The following GRIN2B variants were observed in gnomAD, a reference collection of about 807,000 sequenced individuals.
GRIN2B encodes glutamate ionotropic receptor NMDA type subunit 2B, also known as glutamate receptor ionotropic, NMDA 2B.
GRIN2B carries 5 observed loss-of-function variants against 114.5 expected under a neutral mutation model. That is an observed-to-expected ratio of 0.04 (90% CI 0.02 to 0.09). The LOEUF (loss-of-function observed/expected upper bound fraction) is 0.09, where lower values mean the gene tolerates loss of function less well. Ranked by LOEUF, GRIN2B falls within the 10% of genes least tolerant of loss-of-function variation. The pLI, the probability that GRIN2B is intolerant of heterozygous loss-of-function variation, is 1.00. For synonymous variants in GRIN2B, 787 were observed against 745.1 expected, an observed-to-expected ratio of 1.06 and a Z score of -0.92; for missense variants, 1,108 against 1,943.5, an observed-to-expected ratio of 0.57 and a Z score of 8.08.
chr12:13,570,476 T>A (rs74065132), intron 11 of GRIN2B, among the ~76,000 whole-genome samples: 3,855 of 152,270 alleles, frequency 0.025, 163 homozygotes, highest in African/African-American at 0.087. Context: ...GCTATTTTTG[T>A]GGTCAGGAAG....
chr12:13,623,287 A>G (rs1246314041), intron 5 of GRIN2B, among the ~76,000 whole-genome samples: 4 of 152,228 alleles, frequency 2.6e-5, no homozygotes, highest in African/African-American at 7.2e-5. Flanking sequence ...GACATAATAC[A>G]TATCTTGGTA....
chr12:13,613,202 A>G (rs1053032781), intron 8 of GRIN2B, among the ~76,000 whole-genome samples: 1 of 152,182 alleles, frequency 6.6e-6, no homozygotes, highest in African/African-American at 2.4e-5. Flanking sequence ...ATTGATTGCA[A>G]TTCTACCCTG....
chr12:13,949,876 G>T (rs1201009285), intron 2 of GRIN2B, among the ~76,000 whole-genome samples: 1 of 152,148 alleles, frequency 6.6e-6, no homozygotes, highest in Non-Finnish European at 1.5e-5. Context: ...TCAAATTTAT[G>T]TTTATTATGA....
intron 10 of GRIN2B, among the ~76,000 whole-genome samples, chr12:13,606,074 TG>T (rs1219116799): frequency 4.6e-5 from 7 of 152,204 alleles, no homozygotes; most frequent in African/African-American, 9.7e-5. Context: ...CACAGCCTCA[TG>T]TGAAGACATG....
chr12:13,609,646 G>A (rs369917667), intron 9 of GRIN2B, among the ~76,000 whole-genome samples: 1 of 152,066 alleles, frequency 6.6e-6, no homozygotes, highest in African/African-American at 2.4e-5. Flanking sequence ...GGTGGCGGGC[G>A]CCTGTAGTCC....
intron 4 of GRIN2B, among the ~76,000 whole-genome samples, chr12:13,681,700 T>C (rs1010547215): frequency 1.1e-4 from 17 of 152,158 alleles, no homozygotes; most frequent in African/African-American, 3.9e-4. Flanking sequence ...TTAAACATAG[T>C]TTTTAGTGTG....
chr12:13,634,415 C>A (rs549172507), intron 5 of GRIN2B, among the ~76,000 whole-genome samples: 25 of 152,264 alleles, frequency 1.6e-4, no homozygotes, highest in Non-Finnish European at 3.1e-4. Context: ...GTTGGCAGGG[C>A]AGCCTTTTCT....
At chr12:13,947,201 C>T (rs1867376918) in intron 2 of GRIN2B, among the ~76,000 whole-genome samples, 1 of 152,204 alleles carries the variant, frequency 6.6e-6, no homozygotes, top group African/African-American at 2.4e-5. Flanking sequence ...TTCTCAAACA[C>T]TTTAGACCTG....
chr12:13,559,860 A>C lies in GRIN2B; in HGVS notation c.*2923T>G, dbSNP rs1159425153. ...GAGACGATTGTTTCAGCATCAGAGG[A>C]GGCCGCTGGGAGATTTCTCAGGATT... On this transcript the variant is annotated 3_prime_UTR_variant, in exon 14 of 14. Coordinates refer to ENST00000609686, the MANE Select transcript of GRIN2B (RefSeq NM_000834.5). 6 of 152,220 alleles carry C rather than the reference A, an allele frequency of 3.9e-5. No individual in the cohort carries two copies. The highest frequency in any genetic ancestry group is 3.9e-4 in the Admixed American group (6 of 15,288). The allele number at this position is 152,220 out of a possible 1,614,324, so 9.4% of individuals were successfully genotyped here. A position where few individuals can be genotyped will look rare whatever the true frequency, so the allele number is the denominator to read the frequency against.
chr12:13,548,781 A>T lies in GRIN2B; in HGVS notation c.*14002T>A, dbSNP rs1948376908. ...TAGGCTTGATTTTTTTTAGATTAAA[A>T]AATTAGTCTAGTGCCCACCTCCTCC... is the stretch of plus-strand genomic sequence containing the variant. On this transcript the variant is annotated 3_prime_UTR_variant, in exon 14 of 14. Coordinates refer to ENST00000609686, the MANE Select transcript of GRIN2B (RefSeq NM_000834.5). The T allele has an allele frequency of 6.6e-6, 1 of 152,010 alleles. No individual in the cohort carries two copies. The highest frequency in any genetic ancestry group is 1.5e-5 in the Non-Finnish European group (1 of 67,996). 9.4% of individuals were successfully genotyped at this position (152,010 alleles called of 1,614,324 possible).
chr12:13,687,235 T>C (rs1950180447), intron 4 of GRIN2B, among the ~76,000 whole-genome samples: 1 of 152,232 alleles, frequency 6.6e-6, no homozygotes, highest in Non-Finnish European at 1.5e-5. Context: ...TCAGTAGCCT[T>C]TGCTGTATCA....
rs562803765 is a variant in GRIN2B, at chr12:13,578,349, G to GCTTCCAC, written c.2011-6392_2011-6386dup. Among the ~76,000 whole-genome samples, 120 of 152,320 alleles carry GCTTCCAC rather than the reference G, an allele frequency of 7.9e-4. 1 individual carries two copies. The highest frequency in any genetic ancestry group is 2.9e-3 in the African/African-American group (119 of 41,572). On this transcript the variant is annotated intron_variant, in intron 10 of 13. Transcript: ENST00000609686. ...AGACAAGGGCATAAGAAGATTTGCAGCTTCCACCTTGGCCTTTGGAAACCT... is the reference window on the plus strand; with the variant it reads ...AGACAAGGGCATAAGAAGATTTGCAGCTTCCACCTTCCACCTTGGCCTTTGGAAACCT...
intron 4 of GRIN2B, among the ~76,000 whole-genome samples, chr12:13,740,146 G>A (rs564696230): frequency 4.6e-5 from 7 of 152,252 alleles, no homozygotes; most frequent in Non-Finnish European, 1.0e-4. Context: ...TTGGATCAGA[G>A]GTACCAGGAA....
intron 10 of GRIN2B, among the ~76,000 whole-genome samples, chr12:13,590,347 C>T (rs1478505812): frequency 6.6e-6 from 1 of 152,002 alleles, no homozygotes; most frequent in Non-Finnish European, 1.5e-5. Context: ...GGTTTTAAGC[C>T]CCGCATGCAT....
chr12:13,831,998 G>C (rs999306989), intron 3 of GRIN2B, among the ~76,000 whole-genome samples: 1 of 152,096 alleles, frequency 6.6e-6, no homozygotes, highest in Non-Finnish European at 1.5e-5. Flanking sequence ...TTCTTCCCCT[G>C]GTGGTGAAGG....
At chr12:13,593,635 G>A (rs1949036903) in intron 10 of GRIN2B, among the ~76,000 whole-genome samples, 1 of 152,064 alleles carries the variant, frequency 6.6e-6, no homozygotes, top group East Asian at 1.9e-4. Context: ...CATAGGCATG[G>A]GCAAAGACTT....
At position 13,547,271 on chromosome 12, in the gene GRIN2B, C is replaced by T. The variant is rs561161186; in HGVS notation, c.*15512G>A. 6.6e-6 allele frequency: 1 copy of T among 152,246 alleles called. No homozygotes were observed. The highest frequency in any genetic ancestry group is 2.4e-5 in the African/African-American group (1 of 41,548). The allele number at this position is 152,246 out of a possible 1,614,324, so 9.4% of individuals were successfully genotyped here. A position where few individuals can be genotyped will look rare whatever the true frequency, so the allele number is the denominator to read the frequency against. ...AGGTTGTTCTCAACGATAAAACCCA[C>T]TTTGCAGTGGCTAAAAATATAAGTA... On this transcript the variant is annotated 3_prime_UTR_variant, in exon 14 of 14. Transcript: ENST00000609686.
At chr12:13,878,028 C>T (rs1302714715) in intron 2 of GRIN2B, among the ~76,000 whole-genome samples, 15 of 139,266 alleles carry the variant, frequency 1.1e-4, no homozygotes, top group African/African-American at 4.1e-4. Flanking sequence ...CGCACCACTG[C>T]ACTCCAGCCT....
chr12:13,745,218 G>A (rs1319196067), intron 4 of GRIN2B, among the ~76,000 whole-genome samples: 2 of 151,990 alleles, frequency 1.3e-5, no homozygotes, highest in African/African-American at 4.8e-5. Context: ...GTCCATGTCT[G>A]TAACCAGAAA....
Sources: allele counts gnomAD v4.1 joint callset (sites outside exome capture counted in the v4.1 genomes callset), GRCh38; gene constraint gnomAD v4.1.1; transcripts MANE v1.5; gene names NCBI Gene and HGNC (gene_info 2026-07-23, HGNC 2026-07-21).